The following PDZRN4 variants were observed in gnomAD, a reference collection of about 807,000 sequenced individuals.
The protein encoded by PDZRN4 is PDZ domain containing ring finger 4, also known as PDZ domain-containing RING finger protein 4.
A neutral mutation model predicts 99.0 loss-of-function variants in PDZRN4; 70 were observed. The observed-to-expected ratio is 0.71, with a 90% CI of 0.58 to 0.86. The LOEUF is 0.86. PDZRN4 is among the 40% of genes least tolerant of loss of function. PDZRN4 has a pLI of 0.00. For missense variants in PDZRN4, 1,474 were observed against 1,331.2 expected (o/e 1.11, Z -1.67); for synonymous variants, 551 against 501.6 (o/e 1.10, Z -1.32).
chr12:41,504,067 G>A (rs750399345), intron 3 of PDZRN4, among the ~76,000 whole-genome samples: 93 of 151,920 alleles, frequency 6.1e-4, no homozygotes, highest in Non-Finnish European at 9.6e-4. Context: ...TTAGGAGTTA[G>A]AGACCATCCT....
At chr12:41,226,746 T>A (rs1950997908) in intron 3 of PDZRN4, among the ~76,000 whole-genome samples, 1 of 152,196 alleles carries the variant, frequency 6.6e-6, no homozygotes, top group Non-Finnish European at 1.5e-5. Context: ...CTGCCATGCA[T>A]TCTGGTATTT....
intron 3 of PDZRN4, among the ~76,000 whole-genome samples, chr12:41,465,014 G>A (rs1028504021): frequency 2.0e-5 from 3 of 151,904 alleles, no homozygotes; most frequent in African/African-American, 7.3e-5. Context: ...TAGTAGAGAT[G>A]GGGTTTTGCC....
chr12:41,434,863 T>C (rs1231176139), intron 3 of PDZRN4, among the ~76,000 whole-genome samples: 2 of 152,240 alleles, frequency 1.3e-5, no homozygotes, highest in Admixed American at 6.5e-5. Flanking sequence ...CTGCTCTATT[T>C]GCATTTTCAG....
chr12:41,452,303 G>A (rs974343607), intron 3 of PDZRN4, among the ~76,000 whole-genome samples: 3 of 151,514 alleles, frequency 2.0e-5, no homozygotes, highest in African/African-American at 7.3e-5. Flanking sequence ...GCCAGTCGTG[G>A]TGGCGGGTGC....
intron 3 of PDZRN4, among the ~76,000 whole-genome samples, chr12:41,422,200 T>C (rs987823): frequency 0.043 from 6,607 of 152,254 alleles, 231 homozygotes; most frequent in African/African-American, 0.1. Context: ...AATGAATTTA[T>C]GATTAAAGCA....
chr12:41,423,540 T>G (rs981826072), intron 3 of PDZRN4, among the ~76,000 whole-genome samples: 1 of 152,284 alleles, frequency 6.6e-6, no homozygotes, highest in Admixed American at 6.5e-5. Context: ...TCCCAAAATT[T>G]TGCTGCATCT....
At chr12:41,208,891 T>G (rs1420833391) in intron 3 of PDZRN4, among the ~76,000 whole-genome samples, 3 of 151,952 alleles carry the variant, frequency 2.0e-5, no homozygotes, top group African/African-American at 7.2e-5. Context: ...AAAAAAAGAT[T>G]TTCCAGAAGT....
intron 3 of PDZRN4, among the ~76,000 whole-genome samples, chr12:41,284,510 A>C (rs1010285393): frequency 4.6e-5 from 7 of 152,080 alleles, no homozygotes; most frequent in African/African-American, 1.7e-4. Context: ...AAACTACTTT[A>C]AATTTCAAAT....
intron 3 of PDZRN4, among the ~76,000 whole-genome samples, chr12:41,268,114 G>C (rs1951290792): frequency 6.8e-6 from 1 of 146,658 alleles, no homozygotes; most frequent in African/African-American, 2.7e-5. Flanking sequence ...TACAAAAGAG[G>C]CATTTTTTTT....
intron 3 of PDZRN4, among the ~76,000 whole-genome samples, chr12:41,260,754 T>C (rs1431984053): frequency 6.6e-6 from 1 of 152,156 alleles, no homozygotes; most frequent in Non-Finnish European, 1.5e-5. Flanking sequence ...AAGAATCTTA[T>C]ATAAACTTGT....
chr12:41,300,439 A>G (rs939800856), intron 3 of PDZRN4, among the ~76,000 whole-genome samples: 1 of 152,026 alleles, frequency 6.6e-6, no homozygotes, highest in Non-Finnish European at 1.5e-5. Flanking sequence ...TTATATTTTG[A>G]GATATATATG....
At position 41,194,132 on chromosome 12, in the gene PDZRN4, GA is replaced by G; in HGVS notation, c.791del (p.Asn264MetfsTer48). On this transcript the variant is annotated frameshift_variant, in exon 3 of 10. Transcript: ENST00000402685. LOFTEE classifies it high-confidence loss of function. ...AGGAATTTACGTTTCAAAAATTTTA[GA>G]AAATGGACCTGCTGACAGAGCAGAT... is the stretch of plus-strand genomic sequence containing the variant. The part of the protein sequence containing the change: ...TEGIYVSKIL[E>X]NGPADRADGL... 3 of 1,577,076 alleles carry G rather than the reference GA, an allele frequency of 1.9e-6. No homozygotes were observed. Among genetic ancestry groups the G allele is most frequent in the Non-Finnish European group, 2.6e-6 (3 of 1,159,490 alleles).
intron 3 of PDZRN4, among the ~76,000 whole-genome samples, chr12:41,344,060 C>T (rs542273159): frequency 2.1e-4 from 32 of 152,146 alleles, no homozygotes; most frequent in African/African-American, 6.7e-4. Flanking sequence ...TTAACACAGA[C>T]ATTTTATGTT....
intron 3 of PDZRN4, among the ~76,000 whole-genome samples, chr12:41,233,775 C>T (rs1352389757): frequency 2.0e-5 from 3 of 151,644 alleles, no homozygotes; most frequent in Non-Finnish European, 4.4e-5. Context: ...ACATCACACA[C>T]CCAGGACTGT....
chr12:41,435,064 C>G (rs1742278399), intron 3 of PDZRN4, among the ~76,000 whole-genome samples: 1 of 152,154 alleles, frequency 6.6e-6, no homozygotes, highest in African/African-American at 2.4e-5. Flanking sequence ...AAGGTAGAAT[C>G]TCTCCAGGGT....
chr12:41,263,150 C>G (rs74666466), intron 3 of PDZRN4, among the ~76,000 whole-genome samples: 4,490 of 152,180 alleles, frequency 0.03, 88 homozygotes, highest in African/African-American at 0.057. Context: ...GTACATGTAT[C>G]AATGAGACAT....
chr12:41,373,969 C>T (rs999330579), intron 3 of PDZRN4, among the ~76,000 whole-genome samples: 13 of 152,170 alleles, frequency 8.5e-5, no homozygotes, highest in Admixed American at 1.3e-4. Context: ...TCCCTGACTT[C>T]CCACAACACA....
intron 3 of PDZRN4, among the ~76,000 whole-genome samples, chr12:41,341,643 T>A (rs1434974441): frequency 2.0e-5 from 3 of 151,684 alleles, no homozygotes; most frequent in African/African-American, 7.2e-5. Flanking sequence ...ACCAAGAAGG[T>A]GAAAAATCTC....
At chr12:41,246,192 G>A (rs1951132805) in intron 3 of PDZRN4, among the ~76,000 whole-genome samples, 1 of 152,112 alleles carries the variant, frequency 6.6e-6, no homozygotes, top group Non-Finnish European at 1.5e-5. Context: ...TTTAATATGA[G>A]CTCTGTCTGC....
Sources: allele counts gnomAD v4.1 joint callset (sites outside exome capture counted in the v4.1 genomes callset), GRCh38; gene constraint gnomAD v4.1.1; transcripts MANE v1.5; gene names NCBI Gene and HGNC (gene_info 2026-07-23, HGNC 2026-07-21).